Variants in PLEKHA7 observed in about 807,000 individuals in gnomAD.
PLEKHA7 encodes the protein pleckstrin homology domain containing A7.
In PLEKHA7, 104 loss-of-function variants were observed where a neutral mutation model predicts 170.0. The observed-to-expected ratio is 0.61, with a 90% confidence interval of 0.52 to 0.72. The LOEUF is 0.72. Ranked by LOEUF, PLEKHA7 falls within the 30% of genes least tolerant of loss-of-function variation. The pLI is 0.00. For missense variants in PLEKHA7, 1,615 were observed against 1,671.7 expected (o/e 0.97, Z 0.59); for synonymous variants, 648 against 660.8 (o/e 0.98, Z 0.30).
intron 3 of PLEKHA7, among the ~76,000 whole-genome samples, chr11:17,010,761 C>A (rs1434847932): frequency 6.6e-6 from 1 of 152,152 alleles, no homozygotes; most frequent in African/African-American, 2.4e-5. Flanking sequence ...ACTTTATGAG[C>A]CAGATTAGAG....
At chr11:16,996,460 G>A (rs1392293703) in intron 3 of PLEKHA7, among the ~76,000 whole-genome samples, 6 of 152,136 alleles carry the variant, frequency 3.9e-5, no homozygotes, top group Admixed American at 6.5e-5. Context: ...GACCTATAAC[G>A]TAGCCCCTGA....
intron 3 of PLEKHA7, among the ~76,000 whole-genome samples, chr11:16,960,653 G>A (rs1405440469): frequency 1.3e-5 from 2 of 152,074 alleles, no homozygotes; most frequent in Non-Finnish European, 2.9e-5. Flanking sequence ...GCAAAGAGGA[G>A]AAAGGGGAGC....
chr11:16,790,959 C>G, intron 20 of PLEKHA7, 44 bp from the exon 21 acceptor site: 7 of 1,613,902 alleles, frequency 4.3e-6, no homozygotes, highest in Non-Finnish European at 5.9e-6. Context: ...AGTGTCACAC[C>G]CCTTTACCTC....
At chr11:16,880,737 G>T (rs962248941) in intron 3 of PLEKHA7, among the ~76,000 whole-genome samples, 1 of 152,174 alleles carries the variant, frequency 6.6e-6, no homozygotes, top group African/African-American at 2.4e-5. Context: ...GAGAAAAGCC[G>T]CATTCTATAG....
intron 12 of PLEKHA7, chr11:16,815,184 G>C (rs1849660109): frequency 1.3e-5 from 2 of 152,784 alleles, no homozygotes; most frequent in Non-Finnish European, 2.9e-5. Context: ...CCTGGCAGGT[G>C]GGAAAGGTCA....
intron 3 of PLEKHA7, among the ~76,000 whole-genome samples, chr11:16,946,606 C>G (rs1235883420): frequency 6.6e-6 from 1 of 152,192 alleles, no homozygotes; most frequent in African/African-American, 2.4e-5. Flanking sequence ...TGCCACAAAC[C>G]TGCCCACAAA....
chr11:16,824,798 G>A (rs1850507992), intron 10 of PLEKHA7, among the ~76,000 whole-genome samples: 1 of 152,072 alleles, frequency 6.6e-6, no homozygotes, highest in Non-Finnish European at 1.5e-5. Flanking sequence ...GCCTTACTTT[G>A]GAGTATGAGG....
chr11:16,932,592 TAATA>T (rs1176155262), intron 3 of PLEKHA7, among the ~76,000 whole-genome samples: 4 of 152,208 alleles, frequency 2.6e-5, no homozygotes, highest in Non-Finnish European at 4.4e-5. Flanking sequence ...ACCTGTCAAC[TAATA>T]AACATTTATT....
At chr11:16,952,956 T>C (rs1861497229) in intron 3 of PLEKHA7, among the ~76,000 whole-genome samples, 1 of 152,262 alleles carries the variant, frequency 6.6e-6, no homozygotes, top group South Asian at 2.1e-4. Flanking sequence ...CACAATGGCA[T>C]CTACATATAT....
At chr11:16,786,609 C>A (rs891041773) in intron 23 of PLEKHA7, 1 of 985,206 alleles carries the variant, frequency 1.0e-6, no homozygotes, top group Non-Finnish European at 1.2e-6. Context: ...AAACATACAC[C>A]CTTGGGGCAC....
rs775862680 is a variant in PLEKHA7 at position 16,777,921 on chromosome 11, G to A, written c.*1077C>T. The A allele has an allele frequency of 3.9e-5, 6 of 152,230 alleles. No individual in the cohort carries two copies. Among genetic ancestry groups the A allele is most frequent in the Admixed American group, 6.5e-5 (1 of 15,288 alleles). 9.4% of individuals were successfully genotyped at this position (152,230 alleles called of 1,614,324 possible). On this transcript the variant is annotated 3_prime_UTR_variant, in exon 27 of 27. Coordinates refer to ENST00000531066, the MANE Select transcript of PLEKHA7 (RefSeq NM_001329630.2). ...CACCCAGTGTGGAGTTTATTGCTACGATACAATGAAAGTTGCTTCCTCTCA... is the reference window on the plus strand; with the variant it reads ...CACCCAGTGTGGAGTTTATTGCTACAATACAATGAAAGTTGCTTCCTCTCA...
intron 3 of PLEKHA7, among the ~76,000 whole-genome samples, chr11:16,897,427 A>G (rs1453983801): frequency 5.9e-5 from 9 of 152,130 alleles, no homozygotes; most frequent in African/African-American, 2.2e-4. Context: ...GAAACCCCAA[A>G]GCCAGCAAAA....
chr11:16,780,441 G>A (rs751839808), intron 26 of PLEKHA7, among the ~76,000 whole-genome samples: 14 of 152,248 alleles, frequency 9.2e-5, no homozygotes, highest in African/African-American at 2.4e-4. Flanking sequence ...CAGTCTCTGC[G>A]CTGACACCAA....
chr11:16,801,092 T>C lies in PLEKHA7; in HGVS notation c.2308-17A>G, dbSNP rs746673576. On this transcript the variant is annotated splice_polypyrimidine_tract_variant and intron_variant, in intron 16 of 26. Coordinates refer to ENST00000531066, the MANE Select transcript of PLEKHA7 (RefSeq NM_001329630.2). ...TTCCATCTCCTGTTGGCCAAGACAA[T>C]GCTTCCGGTTCTTAGTTATCCCCTG... The C allele has an allele frequency of 6.2e-7, 1 of 1,608,430 alleles. No individual in the cohort carries two copies. Among genetic ancestry groups the C allele is most frequent in the Non-Finnish European group, 8.5e-7 (1 of 1,174,886 alleles).
chr11:16,832,921 T>C (rs1382961835), intron 9 of PLEKHA7, among the ~76,000 whole-genome samples: 2 of 151,910 alleles, frequency 1.3e-5, no homozygotes, highest in Non-Finnish European at 2.9e-5. Context: ...AGGAATAGGG[T>C]GGGCTCAAAA....
At chr11:16,904,705 G>A (rs1334167043) in intron 3 of PLEKHA7, among the ~76,000 whole-genome samples, 1 of 152,034 alleles carries the variant, frequency 6.6e-6, no homozygotes, top group Non-Finnish European at 1.5e-5. Context: ...TGCCACCACT[G>A]TTACTAATTT....
intron 26 of PLEKHA7, among the ~76,000 whole-genome samples, chr11:16,779,598 C>T (rs217761): frequency 1.9e-3 from 287 of 152,296 alleles, no homozygotes; most frequent in Middle Eastern, 3.4e-3. Context: ...AGAGCACTTC[C>T]CTATGGCTCC....
intron 13 of PLEKHA7, among the ~76,000 whole-genome samples, chr11:16,810,838 G>A (rs1177485021): frequency 6.6e-6 from 1 of 152,200 alleles, no homozygotes; most frequent in African/African-American, 2.4e-5. Flanking sequence ...AAGGGCTTTA[G>A]GGTGAGAGCC....
chr11:16,886,014 A>G lies in PLEKHA7; in HGVS notation c.222-14832T>C, dbSNP rs151289887. On this transcript the variant is annotated intron_variant, in intron 3 of 26. Coordinates refer to ENST00000531066, the MANE Select transcript of PLEKHA7 (RefSeq NM_001329630.2). Reference sequence around the variant, plus strand: ...ACTCCATCGGAAAAAAAAAAAAAAGAAAGAAAGAAAAGGTAAACCCCAAAC... The same window carrying G: ...ACTCCATCGGAAAAAAAAAAAAAAGGAAGAAAGAAAAGGTAAACCCCAAAC... Among the ~76,000 whole-genome samples the G allele has an allele frequency of 1.9e-3, 281 of 149,722 alleles. 3 individuals carry two copies. The highest frequency in any genetic ancestry group is 6.5e-3 in the African/African-American group (266 of 41,130).
Sources: gnomAD v4.1 joint callset for allele counts (sites outside exome capture counted in the v4.1 genomes callset) on GRCh38, gnomAD v4.1.1 for gene constraint, MANE v1.5 for transcripts, NCBI Gene and HGNC (gene_info 2026-07-23, HGNC 2026-07-21) for gene names.